TCEANC2: variants seen among roughly 807,000 people sequenced by gnomAD.
TCEANC2 encodes transcription elongation factor A N-terminal and central domain-containing protein 2.
A neutral mutation model predicts 22.8 loss-of-function variants in TCEANC2; 20 were observed. That is an observed-to-expected ratio of 0.88 (90% CI 0.62 to 1.28). TCEANC2 has a LOEUF of 1.28. TCEANC2 is among the 50% of genes most tolerant of loss of function. The pLI is 0.00. For synonymous variants in TCEANC2, 84 were observed against 95.5 expected, an observed-to-expected ratio of 0.88 and a Z score of 0.70; for missense variants, 251 against 249.7, an observed-to-expected ratio of 1.01 and a Z score of -0.03.
chr1:54,067,638 G>T (rs1298311430), intron 2 of TCEANC2, among the ~76,000 whole-genome samples: 1 of 152,210 alleles, frequency 6.6e-6, no homozygotes, highest in Admixed American at 6.5e-5. Context: ...GAGAAGCAAA[G>T]TTGGAGTGAG....
intron 4 of TCEANC2, among the ~76,000 whole-genome samples, chr1:54,093,257 G>A (rs917923615): frequency 1.3e-5 from 2 of 151,984 alleles, no homozygotes; most frequent in Non-Finnish European, 2.9e-5. Context: ...TCAAGGACTC[G>A]GTGAAACTCT....
At chr1:54,084,213 A>T (rs1658296416) in intron 3 of TCEANC2, among the ~76,000 whole-genome samples, 3 of 152,078 alleles carry the variant, frequency 2.0e-5, no homozygotes, top group Admixed American at 2.0e-4. Flanking sequence ...GGGTTTCGCC[A>T]TGTTGGCCAG....
intron 4 of TCEANC2, among the ~76,000 whole-genome samples, chr1:54,091,472 C>G (rs973554924): frequency 3.3e-5 from 5 of 152,152 alleles, no homozygotes; most frequent in African/African-American, 1.2e-4. Context: ...TTGATCCTAG[C>G]ATGTGTTATT....
chr1:54,094,642 T>TGCCCAAGG (rs1207638708), intron 4 of TCEANC2, among the ~76,000 whole-genome samples: 4 of 152,336 alleles, frequency 2.6e-5, no homozygotes, highest in South Asian at 4.1e-4. Context: ...TAGACTAGGC[T>TGCCCAAGG]GCCCAAGGGC....
intron 2 of TCEANC2, among the ~76,000 whole-genome samples, chr1:54,065,040 A>G (rs1320023252): frequency 6.6e-6 from 1 of 152,104 alleles, no homozygotes; most frequent in East Asian, 1.9e-4. Context: ...GTCAGTGCGA[A>G]TCAGCCTTAG....
rs1374519348 is a variant in TCEANC2 at position 54,054,149 on chromosome 1, G to A, written c.-42-232G>A. 6 of 983,130 alleles carry A rather than the reference G, an allele frequency of 6.1e-6. No homozygotes were observed. In the South Asian group the frequency reaches 1.2e-4, roughly 20 times the overall value. 60.9% of individuals were successfully genotyped at this position (983,130 alleles called of 1,614,324 possible). The stretch of plus-strand genomic sequence containing the variant: ...AATGTTGGAATCCTCGCTAGAGCGT[G>A]CACTTCTGGAAGCTAGGAACCTCCT... On this transcript the variant is annotated intron_variant, in intron 1 of 4. Coordinates refer to ENST00000234827, the MANE Select transcript of TCEANC2 (RefSeq NM_153035.3).
At chr1:54,072,396 T>A (rs534196350) in intron 3 of TCEANC2, among the ~76,000 whole-genome samples, 2 of 118,320 alleles carry the variant, frequency 1.7e-5, no homozygotes, top group South Asian at 2.4e-4. Flanking sequence ...CCCCCCCAAA[T>A]TTTTTTTTTT....
chr1:54,081,487 T>G (rs1267055449), intron 3 of TCEANC2, among the ~76,000 whole-genome samples: 1 of 152,172 alleles, frequency 6.6e-6, no homozygotes, highest in Admixed American at 6.5e-5. Flanking sequence ...ACTCAAGCGA[T>G]CCTCCTGCCT....
At chr1:54,088,305 AT>A (rs944591346) in intron 3 of TCEANC2, among the ~76,000 whole-genome samples, 21 of 152,038 alleles carry the variant, frequency 1.4e-4, no homozygotes, top group African/African-American at 2.7e-4. Context: ...TGCTTAATTC[AT>A]TTTTTTTAAA....
intron 4 of TCEANC2, among the ~76,000 whole-genome samples, chr1:54,095,205 G>A (rs965961984): frequency 6.6e-6 from 1 of 152,130 alleles, no homozygotes; most frequent in Non-Finnish European, 1.5e-5. Context: ...GGAAGCTCAG[G>A]GCATGGTGGC....
Position 54,091,517 on chromosome 1 carries a change from A to G in TCEANC2, c.438+2727A>G, listed in dbSNP as rs561546543. The stretch of plus-strand genomic sequence containing the variant: ...AAATCTTCTCATTACATTTTTGTAG[A>G]AAAAAAATGTTTCCATGTTGTTTCA... On this transcript the variant is annotated intron_variant, in intron 4 of 4. Transcript: ENST00000234827. Among the ~76,000 whole-genome samples the G allele has an allele frequency of 9.2e-5, 14 of 152,242 alleles. No individual in the cohort carries two copies. The East Asian group carries it at 2.3e-3, about 25-fold the overall frequency.
chr1:54,073,607 C>T (rs1235042316), intron 3 of TCEANC2, among the ~76,000 whole-genome samples: 1 of 151,988 alleles, frequency 6.6e-6, no homozygotes, highest in Non-Finnish European at 1.5e-5. Flanking sequence ...AGCTTTAGTC[C>T]GCCATAAAGC....
chr1:54,087,021 T>G (rs1004897471), intron 3 of TCEANC2, among the ~76,000 whole-genome samples: 2 of 152,244 alleles, frequency 1.3e-5, no homozygotes, highest in African/African-American at 4.8e-5. Context: ...TTTACTAGTT[T>G]AAACAGGATT....
At chr1:54,061,999 G>T (rs371484620) in intron 2 of TCEANC2, among the ~76,000 whole-genome samples, 20 of 152,234 alleles carry the variant, frequency 1.3e-4, no homozygotes, top group East Asian at 5.8e-4. Flanking sequence ...TGCAATAAGA[G>T]AATTTTTTAA....
At position 54,096,615 on chromosome 1, in the gene TCEANC2, G is replaced by A. The variant is rs1658561861; in HGVS notation, c.*142G>A. 1 of 1,403,570 alleles carries A rather than the reference G, an allele frequency of 7.1e-7. No homozygotes were observed. The highest frequency in any genetic ancestry group is 1.4e-5 in the African/African-American group (1 of 69,364). 86.9% of individuals were successfully genotyped at this position (1,403,570 alleles called of 1,614,324 possible). On this transcript the variant is annotated 3_prime_UTR_variant, in exon 5 of 5. Transcript: ENST00000234827. This position sits in a 1 kb window ranked among gnomAD's most constrained non-coding sequence, Gnocchi z 4.9. ...TGGTGCCGTTCCTTTGCAGACAGAG[G>A]ATTCGGAGAGCCCTAGGAGACAGGC...
chr1:54,072,543 C>T (rs542049460), intron 3 of TCEANC2, among the ~76,000 whole-genome samples: 195 of 151,820 alleles, frequency 1.3e-3, no homozygotes, highest in Non-Finnish European at 2.3e-3. Flanking sequence ...ACTACAGGCA[C>T]GTGCCACCAC....
chr1:54,054,974 CGTT>C (rs755051837), intron 2 of TCEANC2, among the ~76,000 whole-genome samples: 8 of 151,966 alleles, frequency 5.3e-5, no homozygotes, highest in African/African-American at 9.7e-5. Flanking sequence ...TTTTTGTTGT[CGTT>C]GTTGTTGTTT....
At chr1:54,066,069 CAA>C (rs766381421) in intron 2 of TCEANC2, among the ~76,000 whole-genome samples, 1 of 151,570 alleles carries the variant, frequency 6.6e-6, no homozygotes, top group Non-Finnish European at 1.5e-5. Context: ...GGCGACAGAA[CAA>C]GACTTCTTCT....
intron 3 of TCEANC2, 95 bp from the exon 4 acceptor site, chr1:54,088,502 G>T: frequency 2.1e-6 from 2 of 972,022 alleles, no homozygotes; most frequent in Middle Eastern, 3.2e-4. Context: ...GTGTGTGAAT[G>T]ACTTTCTCAG....
Sources: gnomAD v4.1 joint callset for allele counts (sites outside exome capture counted in the v4.1 genomes callset) on GRCh38, gnomAD v4.1.1 for gene constraint, Gnocchi (gnomAD v3.1) non-coding constraint, MANE v1.5 for transcripts, NCBI Gene and HGNC (gene_info 2026-07-23, HGNC 2026-07-21) for gene names.